POLR3B: variants seen among roughly 807,000 people sequenced by gnomAD.
The protein encoded by POLR3B is RNA polymerase III subunit B.
Under a neutral mutation model 147.4 loss-of-function variants are expected in POLR3B, and 96 were observed. The ratio of observed to expected loss-of-function variants is 0.65; its 90% CI spans 0.55 to 0.77. The LOEUF (loss-of-function observed/expected upper bound fraction) is 0.77. Among genes scored for constraint, POLR3B ranks in the 30% least tolerant of loss-of-function variants. The pLI is 0.00. For synonymous variants in POLR3B, 461 were observed against 485.9 expected, an observed-to-expected ratio of 0.95 and a Z score of 0.67; for missense variants, 1,036 against 1,413.5, an observed-to-expected ratio of 0.73 and a Z score of 4.28.
At chr12:106,427,608 T>A (rs1019687427) in intron 13 of POLR3B, among the ~76,000 whole-genome samples, 10 of 152,230 alleles carry the variant, frequency 6.6e-5, no homozygotes, top group Non-Finnish European at 1.5e-4. Flanking sequence ...AAATCTTCAT[T>A]GAACTGTTAA....
chr12:106,427,460 T>A, intron 13 of POLR3B, 102 bp downstream of exon 13: 1 of 1,054,450 alleles, frequency 9.5e-7, no homozygotes, highest in Non-Finnish European at 1.5e-6. Context: ...GAAATATATA[T>A]ATCAAAACGA....
intron 23 of POLR3B, among the ~76,000 whole-genome samples, chr12:106,493,875 T>G (rs1167457604): frequency 6.6e-6 from 1 of 152,244 alleles, no homozygotes; most frequent in Admixed American, 6.5e-5. Context: ...GGGAACCATC[T>G]TGGCATATAA....
At chr12:106,407,630 G>A (rs2037166926) in intron 11 of POLR3B, among the ~76,000 whole-genome samples, 1 of 152,142 alleles carries the variant, frequency 6.6e-6, no homozygotes, top group African/African-American at 2.4e-5. Context: ...AGGAGTTTGA[G>A]ACCAGCCTGA....
chr12:106,490,268 A>G (rs1250593712), intron 23 of POLR3B, among the ~76,000 whole-genome samples: 1 of 152,148 alleles, frequency 6.6e-6, no homozygotes, highest in African/African-American at 2.4e-5. Flanking sequence ...AGCCGTGTGT[A>G]TTTTGTAAAG....
intron 27 of POLR3B, among the ~76,000 whole-genome samples, chr12:106,508,217 C>T (rs573881601): frequency 1.3e-5 from 2 of 152,318 alleles, no homozygotes; most frequent in African/African-American, 4.8e-5. Context: ...TGCATATTCT[C>T]ACCTTATGCT....
chr12:106,470,948 A>T (rs1187975249), intron 23 of POLR3B, among the ~76,000 whole-genome samples: 1 of 152,152 alleles, frequency 6.6e-6, no homozygotes, highest in African/African-American at 2.4e-5. Flanking sequence ...TCTGTCCATT[A>T]TCAGAGCTTG....
intron 12 of POLR3B, among the ~76,000 whole-genome samples, chr12:106,423,508 G>A (rs968219267): frequency 2.0e-5 from 3 of 152,202 alleles, no homozygotes; most frequent in Admixed American, 6.5e-5. Flanking sequence ...AAAGGTCTGA[G>A]AGCCAGGGAG....
chr12:106,413,347 G>A (rs746901541), intron 12 of POLR3B, among the ~76,000 whole-genome samples: 1 of 152,032 alleles, frequency 6.6e-6, no homozygotes, highest in Non-Finnish European at 1.5e-5. Context: ...ATTTGGTGGT[G>A]GAGATATTTA....
chr12:106,453,479 A>G (rs2037824544), intron 19 of POLR3B, among the ~76,000 whole-genome samples: 1 of 151,950 alleles, frequency 6.6e-6, no homozygotes, highest in Non-Finnish European at 1.5e-5. Context: ...TGTGGTGTGT[A>G]TGTGTCACTA....
intron 2 of POLR3B, among the ~76,000 whole-genome samples, chr12:106,365,233 C>T (rs896870985): frequency 1.3e-4 from 19 of 151,966 alleles, no homozygotes; most frequent in African/African-American, 3.1e-4. Context: ...TGCTGGGAAA[C>T]GAGGCTGGGA....
chr12:106,361,386 A>G (rs1265094940), intron 1 of POLR3B, among the ~76,000 whole-genome samples: 1 of 152,164 alleles, frequency 6.6e-6, no homozygotes, highest in Non-Finnish European at 1.5e-5. Flanking sequence ...AAATGGTGAT[A>G]TTCATTGAGA....
intron 15 of POLR3B, among the ~76,000 whole-genome samples, chr12:106,433,006 T>G (rs1330439073): frequency 6.6e-6 from 1 of 152,194 alleles, no homozygotes; most frequent in East Asian, 1.9e-4. Flanking sequence ...CTTTCTGCTT[T>G]TGATTTGGTG....
chr12:106,371,250 C>G (rs2036602441), intron 6 of POLR3B, among the ~76,000 whole-genome samples: 1 of 152,208 alleles, frequency 6.6e-6, no homozygotes, highest in Admixed American at 6.5e-5. Context: ...TACCATCTCA[C>G]ATGAGTTAGA....
At chr12:106,402,359 C>T (rs1332768948) in intron 10 of POLR3B, among the ~76,000 whole-genome samples, 1 of 152,108 alleles carries the variant, frequency 6.6e-6, no homozygotes, top group African/African-American at 2.4e-5. Context: ...TAGGAAGAAT[C>T]AATATCGTGA....
At chr12:106,374,806 G>T (rs777676116) in intron 6 of POLR3B, among the ~76,000 whole-genome samples, 1 of 152,128 alleles carries the variant, frequency 6.6e-6, no homozygotes, top group Non-Finnish European at 1.5e-5. Flanking sequence ...GTGAGCCACC[G>T]CACCTGGCCT....
At chr12:106,489,292 T>A (rs764463163) in intron 23 of POLR3B, among the ~76,000 whole-genome samples, 6 of 152,236 alleles carry the variant, frequency 3.9e-5, no homozygotes, top group Non-Finnish European at 7.3e-5. Context: ...TGTTTTACAA[T>A]AGAAGTCTAG....
chr12:106,427,161 T>C, intron 12 of POLR3B, 36 bp from the exon 13 acceptor site: 1 of 1,344,112 alleles, frequency 7.4e-7, no homozygotes, highest in African/African-American at 1.5e-5. Context: ...CAATGCTTTT[T>C]GAAAAATCAC....
In POLR3B at chr12:106,375,309, G is replaced by A. The variant is rs551259545; in HGVS notation, c.405-1050G>A. Among the ~76,000 whole-genome samples, 97 of 152,262 alleles carry A rather than the reference G, an allele frequency of 6.4e-4. 1 individual carries two copies. The highest frequency in any genetic ancestry group is 1.0e-4 in the Non-Finnish European group (7 of 68,030). On this transcript the variant is annotated intron_variant, in intron 6 of 27. Coordinates refer to ENST00000228347, the MANE Select transcript of POLR3B (RefSeq NM_018082.6). ...AGTATCTTGACTGTGATCTGCTTAG[G>A]TGTAGCTTTCTTTTTATCTTGTGCA...
At chr12:106,409,675 T>G (rs2037198199) in intron 11 of POLR3B, among the ~76,000 whole-genome samples, 1 of 83,912 alleles carries the variant, frequency 1.2e-5, no homozygotes, top group South Asian at 3.8e-4. Context: ...GCTTGCTTGT[T>G]TTTTTTTTTT....
Sources: gnomAD v4.1 joint callset for allele counts (sites outside exome capture counted in the v4.1 genomes callset) on GRCh38, gnomAD v4.1.1 for gene constraint, MANE v1.5 for transcripts, NCBI Gene and HGNC (gene_info 2026-07-23, HGNC 2026-07-21) for gene names.